Variants in CTNNA2 observed in about 807,000 individuals in gnomAD.
CTNNA2 encodes catenin alpha 2.
A neutral mutation model predicts 101.0 loss-of-function variants in CTNNA2; 42 were observed. The ratio of observed to expected loss-of-function variants is 0.42; its 90% CI spans 0.32 to 0.54. The LOEUF is 0.54. Ranked by LOEUF, CTNNA2 falls within the 20% of genes least tolerant of loss-of-function variation. The probability of loss-of-function intolerance (pLI) is 0.14; values close to 1 mark genes in which losing one functional copy is unlikely to be tolerated. For missense variants in CTNNA2, 871 were observed against 1,223.1 expected (o/e 0.71, Z 4.29); for synonymous variants, 450 against 456.4 (o/e 0.99, Z 0.18).
chr2:79,202,278 T>G (rs892695670), intron 2 of CTNNA2, among the ~76,000 whole-genome samples: 1 of 152,196 alleles, frequency 6.6e-6, no homozygotes, highest in African/African-American at 2.4e-5. Context: ...TTATTTTCCT[T>G]TCACAGTACT....
rs551514218 is a variant in CTNNA2, at chr2:79,397,825, T to A, written c.-135+23812T>A. Among the ~76,000 whole-genome samples the A allele has an allele frequency of 1.4e-4, 22 of 152,064 alleles. No individual in the cohort carries two copies. In the South Asian group the frequency reaches 4.4e-3, roughly 30 times the overall value. The stretch of plus-strand genomic sequence containing the variant: ...AACAAGTGCCACCAAGTCTGTTTAT[T>A]TTTTTTATAATTTCTTGTAGAGACA... On this transcript the variant is annotated intron_variant, in intron 4 of 21. Coordinates refer to the CTNNA2 transcript ENST00000466387.
intron 2 of CTNNA2, among the ~76,000 whole-genome samples, chr2:79,663,257 A>G (rs1247393244): frequency 6.6e-6 from 1 of 152,136 alleles, no homozygotes; most frequent in African/African-American, 2.4e-5. Flanking sequence ...ATTCTTACTC[A>G]CTACCTATAC....
At chr2:79,481,351 C>T (rs1234064509) in intron 4 of CTNNA2, among the ~76,000 whole-genome samples, 1 of 152,120 alleles carries the variant, frequency 6.6e-6, no homozygotes, top group Non-Finnish European at 1.5e-5. Flanking sequence ...GCCTCTGCCC[C>T]TCTGTCTCCT....
intron 7 of CTNNA2, among the ~76,000 whole-genome samples, chr2:80,259,138 C>T (rs1470906244): frequency 2.6e-5 from 4 of 152,092 alleles, no homozygotes; most frequent in Non-Finnish European, 4.4e-5. Context: ...GGCAAGAACA[C>T]TGACTCTTGA....
At chr2:80,266,962 A>T (rs992859484) in intron 7 of CTNNA2, among the ~76,000 whole-genome samples, 3 of 152,112 alleles carry the variant, frequency 2.0e-5, no homozygotes, top group African/African-American at 4.8e-5. Flanking sequence ...TTTCTTCTGC[A>T]TCTAGAATGG....
chr2:79,888,907 T>C (rs1421526002), intron 6 of CTNNA2, among the ~76,000 whole-genome samples: 1 of 152,228 alleles, frequency 6.6e-6, no homozygotes, highest in Non-Finnish European at 1.5e-5. Context: ...GTTATACTTT[T>C]TCAAATTTCG....
chr2:80,472,215 A>G (rs1685367393), intron 9 of CTNNA2, among the ~76,000 whole-genome samples: 1 of 151,982 alleles, frequency 6.6e-6, no homozygotes, highest in South Asian at 2.1e-4. Flanking sequence ...AAGGCAAGAG[A>G]GTTACTATGA....
chr2:79,186,336 C>T (rs756236955), intron 1 of CTNNA2, among the ~76,000 whole-genome samples: 5 of 152,172 alleles, frequency 3.3e-5, no homozygotes, highest in Non-Finnish European at 7.3e-5. Flanking sequence ...ACTGGAGCCA[C>T]ATCAAAGGAT....
intron 9 of CTNNA2, among the ~76,000 whole-genome samples, chr2:80,440,924 G>C (rs1486991999): frequency 6.6e-6 from 1 of 152,064 alleles, no homozygotes; most frequent in Non-Finnish European, 1.5e-5. Flanking sequence ...AGAGTCCCAG[G>C]GTTACTTGGA....
chr2:80,081,482 C>G (rs78775209), intron 7 of CTNNA2, among the ~76,000 whole-genome samples: 3 of 151,910 alleles, frequency 2.0e-5, no homozygotes, highest in East Asian at 3.9e-4. Context: ...AGAAAAGTCT[C>G]TGTCTCTCTC....
intron 3 of CTNNA2, among the ~76,000 whole-genome samples, chr2:79,370,736 G>A (rs1383715382): frequency 6.6e-6 from 1 of 151,972 alleles, no homozygotes; most frequent in Non-Finnish European, 1.5e-5. Context: ...TCATTTTAGA[G>A]TTTTGCTGAG....
intron 4 of CTNNA2, among the ~76,000 whole-genome samples, chr2:79,464,663 A>C (rs896220626): frequency 6.6e-6 from 1 of 152,078 alleles, no homozygotes; most frequent in Admixed American, 6.5e-5. Flanking sequence ...CTGACTTTTT[A>C]ATGATCGCCA....
At chr2:79,687,371 A>C (rs1684000765) in intron 2 of CTNNA2, among the ~76,000 whole-genome samples, 1 of 152,126 alleles carries the variant, frequency 6.6e-6, no homozygotes, top group Admixed American at 6.5e-5. Context: ...ATTTGAGTTA[A>C]GAACAAAAAT....
rs190508159 is a variant in CTNNA2 at position 79,193,560 on chromosome 2, C to T, written c.-523-4399C>T. ...TTCAAATAGTAATGAAATTACCTAA[C>T]CACATTTTTCTTAGAATGTATCCCC... On this transcript the variant is annotated intron_variant, in intron 1 of 21. Transcript: ENST00000466387. Among the ~76,000 whole-genome samples, 135 of 152,204 alleles carry T rather than the reference C, an allele frequency of 8.9e-4. 1 individual carries two copies. The highest frequency in any genetic ancestry group is 1.6e-4 in the Non-Finnish European group (11 of 67,998).
chr2:79,530,578 T>A (rs920450792), intron 1 of CTNNA2, among the ~76,000 whole-genome samples: 2 of 151,962 alleles, frequency 1.3e-5, no homozygotes, highest in Non-Finnish European at 2.9e-5. Flanking sequence ...AAGGAGATCA[T>A]AAAATGTTGT....
At chr2:79,299,372 C>T (rs980457056) in intron 2 of CTNNA2, among the ~76,000 whole-genome samples, 1 of 152,122 alleles carries the variant, frequency 6.6e-6, no homozygotes, top group African/African-American at 2.4e-5. Flanking sequence ...GCGTCATAGG[C>T]TACAAGATGC....
intron 18 of CTNNA2, among the ~76,000 whole-genome samples, chr2:80,634,983 A>T (rs948923791): frequency 1.3e-5 from 2 of 152,282 alleles, no homozygotes; most frequent in South Asian, 2.1e-4. Flanking sequence ...GGTTGGGAAC[A>T]GTCTACAAGA....
chr2:79,361,680 C>A (rs1194096633), intron 3 of CTNNA2, among the ~76,000 whole-genome samples: 2 of 152,152 alleles, frequency 1.3e-5, no homozygotes, highest in African/African-American at 4.8e-5. Context: ...CACACAATCA[C>A]AAGGTCCCAC....
intron 9 of CTNNA2, among the ~76,000 whole-genome samples, chr2:80,488,730 T>A (rs142926213): frequency 6.6e-6 from 1 of 152,294 alleles, no homozygotes; most frequent in African/African-American, 2.4e-5. Flanking sequence ...ACTAAATAAA[T>A]CCCACTTTAT....
Sources: allele counts gnomAD v4.1 joint callset (sites outside exome capture counted in the v4.1 genomes callset), GRCh38; gene constraint gnomAD v4.1.1; transcripts MANE v1.5; gene names NCBI Gene and HGNC (gene_info 2026-07-23, HGNC 2026-07-21).